The following ATP1B4 variants were observed in gnomAD, a reference collection of about 807,000 sequenced individuals.
ATP1B4 encodes the protein protein ATP1B4.
In ATP1B4, 32 loss-of-function variants were observed where a neutral mutation model predicts 29.6. The ratio of observed to expected loss-of-function variants is 1.08; its 90% CI spans 0.82 to 1.45. ATP1B4 has a LOEUF of 1.45. Among genes scored for constraint, ATP1B4 ranks in the 40% most tolerant of loss-of-function variants. ATP1B4 has a pLI of 0.00. For missense variants in ATP1B4, 323 were observed against 276.2 expected, an observed-to-expected ratio of 1.17 and a Z score of -1.20; for synonymous variants, 127 against 102.1, an observed-to-expected ratio of 1.24 and a Z score of -1.47.
chrX:120,364,893 A>T (rs1285655291), intron 1 of ATP1B4, among the ~76,000 whole-genome samples: 1 of 110,391 alleles, frequency 9.1e-6, no homozygotes, highest in East Asian at 2.8e-4. Context: ...ATTTTTTTTT[A>T]ATTTTGTAGA....
chrX:120,376,827 T>C (rs184966927), intron 6 of ATP1B4, among the ~76,000 whole-genome samples: 119 of 112,578 alleles, frequency 1.1e-3, no homozygotes, highest in African/African-American at 3.0e-3. Context: ...TTCATTAGAG[T>C]CATTAGTTCC....
chrX:120,372,323 C>T (rs2058317690), intron 4 of ATP1B4, among the ~76,000 whole-genome samples: 1 of 111,969 alleles, frequency 8.9e-6, no homozygotes, highest in Non-Finnish European at 1.9e-5. Context: ...CTAGAGGCGG[C>T]TACTATTATA....
intron 7 of ATP1B4, 134 bp downstream of exon 7, chrX:120,378,907 C>G (rs1332535778): frequency 4.0e-6 from 2 of 504,695 alleles, no homozygotes; most frequent in Non-Finnish European, 6.7e-6. Flanking sequence ...ACCAGGAGCT[C>G]CCTTTACCAA....
At chrX:120,370,610 TAA>T in intron 2 of ATP1B4, 103 bp from the exon 3 acceptor site, 1 of 1,002,594 alleles carries the variant, frequency 1.0e-6, no homozygotes, top group Non-Finnish European at 1.3e-6. Context: ...AGGAATTTTT[TAA>T]AGAGCTATTT....
At chrX:120,376,460 A>T (rs751750659) in intron 6 of ATP1B4, 24 bp downstream of exon 6, 10 of 1,178,045 alleles carry the variant, frequency 8.5e-6, no homozygotes, top group Non-Finnish European at 1.2e-5. Context: ...TTGAGTAAGC[A>T]TTGTTAGCAC....
chrX:120,366,483 A>AT (rs751460864), intron 1 of ATP1B4, 42 bp from the exon 2 acceptor site: 75 of 1,168,312 alleles, frequency 6.4e-5, no homozygotes, highest in African/African-American at 3.6e-4. Flanking sequence ...ACCATTGTAC[A>AT]TTTTTTTTCA....
intron 1 of ATP1B4, among the ~76,000 whole-genome samples, chrX:120,365,073 A>C (rs1473228768): frequency 9.0e-6 from 1 of 111,593 alleles, no homozygotes; most frequent in Non-Finnish European, 1.9e-5. Context: ...ACCTCTAGGC[A>C]CTTGTGCTCA....
chrX:120,364,402 T>A (rs1229747379), intron 1 of ATP1B4, among the ~76,000 whole-genome samples: 2 of 111,563 alleles, frequency 1.8e-5, no homozygotes, highest in African/African-American at 6.5e-5. Context: ...GTGAGAGCAT[T>A]CCCGCAGAGT....
At position 120,376,248 on chromosome X, in the gene ATP1B4, T is replaced by G. The variant is rs144651711; in HGVS notation, c.760-132T>G. 5,131 of 572,507 alleles carry G rather than the reference T, an allele frequency of 9.0e-3. 133 individuals carry two copies. The African/African-American group carries it at 0.099, about 11-fold the overall frequency. The allele number at this position is 572,507 out of a possible 1,213,427, so 47.2% of individuals were successfully genotyped here. On this transcript the variant is annotated intron_variant, in intron 5 of 7. Transcript: ENST00000218008. ...TTTCATTTTTTGCTTTTTGTAACAT[T>G]TCTGAGAAGGCGAAATAGATGAAGC...
chrX:120,374,047 G>A (rs1204976692), intron 4 of ATP1B4, among the ~76,000 whole-genome samples: 1 of 111,346 alleles, frequency 9.0e-6, no homozygotes, highest in African/African-American at 3.3e-5. Context: ...GGTTCACCTT[G>A]CCCACCATCT....
intron 4 of ATP1B4, among the ~76,000 whole-genome samples, chrX:120,373,154 A>T (rs1285340947): frequency 9.0e-6 from 1 of 111,526 alleles, no homozygotes; most frequent in Non-Finnish European, 1.9e-5. Context: ...TATCACTTTC[A>T]CTCCCATGAG....
At chrX:120,378,090 G>A (rs1007098593) in intron 6 of ATP1B4, among the ~76,000 whole-genome samples, 5 of 110,910 alleles carry the variant, frequency 4.5e-5, no homozygotes, top group African/African-American at 1.3e-4. Context: ...CCCACCTACT[G>A]TAATTAAGCA....
chrX:120,376,436 G>C lies in ATP1B4; in HGVS notation c.816G>C (p.Gln272His), dbSNP rs776113360. The change falls in exon 6 of 8, where the codon CAG (glutamine) becomes CAC (histidine). Residue 272 changes from glutamine (Q) to histidine (H), a missense_variant and splice_region_variant. Gln to His is a conservative substitution (Grantham distance 24, BLOSUM62 0). Coordinates refer to ENST00000218008, the MANE Select transcript of ATP1B4 (RefSeq NM_001142447.3). ...GDPVKVSCKVQRGDENDIRSI... is the reference protein window; with the variant it reads ...GDPVKVSCKVHRGDENDIRSI... ...CTGTGAAGGTTTCCTGCAAAGTTCAGGTAAAGAGTCCTTTTGAGTAAGCAT... is the reference window on the plus strand; with the variant it reads ...CTGTGAAGGTTTCCTGCAAAGTTCACGTAAAGAGTCCTTTTGAGTAAGCAT... 8.3e-7 allele frequency: 1 copy of C among 1,206,216 alleles called. No individual in the cohort carries two copies. The highest frequency in any genetic ancestry group is 3.0e-5 in the East Asian group (1 of 33,831).
intron 1 of ATP1B4, among the ~76,000 whole-genome samples, chrX:120,365,105 A>C (rs2058279319): frequency 9.0e-6 from 1 of 111,531 alleles, no homozygotes; most frequent in South Asian, 3.8e-4. Context: ...GAGAAACATC[A>C]TTGTCCAGGG....
rs2058386440 is a variant in ATP1B4 at position 120,382,809 on chromosome X, C to G, written c.*3175C>G. 8.9e-6 allele frequency: 1 copy of G among 111,973 alleles called. No individual in the cohort carries two copies. Among genetic ancestry groups the G allele is most frequent in the Non-Finnish European group, 1.9e-5 (1 of 53,159 alleles). The allele number at this position is 111,973 out of a possible 1,213,427, so 9.2% of individuals were successfully genotyped here. ...ATGGAATCCATTGTGTCCACAATTG[C>G]AAAGCAATATTGAAGGGTACTAAGA... On this transcript the variant is annotated 3_prime_UTR_variant, in exon 8 of 8. Coordinates refer to ENST00000218008, the MANE Select transcript of ATP1B4 (RefSeq NM_001142447.3).
chrX:120,379,121 T>C (rs750859106), intron 7 of ATP1B4, among the ~76,000 whole-genome samples: 3 of 111,589 alleles, frequency 2.7e-5, no homozygotes, highest in African/African-American at 9.8e-5. Context: ...ATCACGCTTC[T>C]GTTTCTCCCA....
chrX:120,372,593 G>C (rs888242422), intron 4 of ATP1B4, among the ~76,000 whole-genome samples: 2 of 111,846 alleles, frequency 1.8e-5, no homozygotes, highest in East Asian at 5.6e-4. Context: ...AACAACATGG[G>C]CATCTCCTGG....
At position 120,375,422 on chromosome X, in the gene ATP1B4, C is replaced by T. The variant is rs1274527772; in HGVS notation, c.613C>T (p.Gln205Ter). 1 of 1,210,832 alleles carries T rather than the reference C, an allele frequency of 8.3e-7. No individual in the cohort carries two copies. The highest frequency in any genetic ancestry group is 1.1e-6 in the Non-Finnish European group (1 of 894,977). Residue 205 changes from glutamine to a stop codon, truncating the protein, a stop_gained, in exon 5 of 8, where the codon CAG (glutamine) becomes TAG (stop). Transcript: ENST00000218008. LOFTEE classifies it high-confidence loss of function. ...AATGAATGTAGATTGTCCCCCGGGG[C>T]AGTACTTCATCCAAGATGGCAATGA... ...EEMNVDCPPGQYFIQDGNEDE... is the reference protein window; with the variant it reads ...EEMNVDCPPG
At position 120,370,830 on chromosome X, in the gene ATP1B4, G is replaced by C; in HGVS notation, c.444G>C (p.Arg148=). 1 of 1,210,389 alleles carries C rather than the reference G, an allele frequency of 8.3e-7. No individual in the cohort carries two copies. The highest frequency in any genetic ancestry group is 1.1e-6 in the Non-Finnish European group (1 of 894,986). Residue 148 remains arginine (R), a synonymous_variant, in exon 3 of 8, where the codon CGG becomes CGC. Coordinates refer to ENST00000218008, the MANE Select transcript of ATP1B4 (RefSeq NM_001142447.3). The stretch of plus-strand genomic sequence containing the variant: ...CCTATATACCAACCTTCACGGAGCG[G>C]GTAAAGCCTCCTGGTGAGTGTGCCC... The part of the protein sequence containing the change: ...ISPYIPTFTE[R]VKPPGVMIRP...
Sources: allele counts gnomAD v4.1 joint callset (sites outside exome capture counted in the v4.1 genomes callset), GRCh38; gene constraint gnomAD v4.1.1; transcripts MANE v1.5; gene names NCBI Gene and HGNC (gene_info 2026-07-23, HGNC 2026-07-21).